The following SPACA7 variants were observed in gnomAD, a reference collection of about 807,000 sequenced individuals.
SPACA7 encodes sperm acrosome-associated protein 7.
SPACA7 carries 19 observed loss-of-function variants against 26.3 expected under a neutral mutation model. That is an observed-to-expected ratio of 0.72 (90% confidence interval 0.50 to 1.06). The LOEUF is 1.06. SPACA7 is among the 50% of genes least tolerant of loss of function. SPACA7 has a pLI of 0.00. For missense variants in SPACA7, 211 were observed against 229.9 expected (o/e 0.92, Z 0.53); for synonymous variants, 84 against 84.5 (o/e 0.99, Z 0.04).
At chr13:112,394,933 C>T (rs1308394163) in intron 2 of SPACA7, among the ~76,000 whole-genome samples, 3 of 152,300 alleles carry the variant, frequency 2.0e-5, no homozygotes, top group East Asian at 3.9e-4. Flanking sequence ...CCCATCCACA[C>T]CCCCAGATTT....
chr13:112,377,529 A>G (rs204218), intron 1 of SPACA7, among the ~76,000 whole-genome samples: 92,217 of 152,094 alleles, frequency 0.61, 28,571 homozygotes, highest in African/African-American at 0.73. Flanking sequence ...AAGCCAAGGC[A>G]ATAAAATAAT....
rs1257880574 is a variant in SPACA7, at chr13:112,405,164, AG to A, written c.445+4001del. Among the ~76,000 whole-genome samples, 4 of 151,596 alleles carry A rather than the reference AG, an allele frequency of 2.6e-5. No homozygotes were observed. The East Asian group carries it at 7.8e-4, about 29-fold the overall frequency. On this transcript the variant is annotated intron_variant, in intron 5 of 6. Transcript: ENST00000283550. ...TGCCCAGCTAATTTTTTGTATTTTTAGTAGAGACGGGGTTTCACCGTGTTAG... is the reference window on the plus strand; with the variant it reads ...TGCCCAGCTAATTTTTTGTATTTTTATAGAGACGGGGTTTCACCGTGTTAG...
intron 5 of SPACA7, 29 bp downstream of exon 5, chr13:112,401,193 T>A: frequency 6.5e-7 from 1 of 1,547,296 alleles, no homozygotes; most frequent in East Asian, 2.2e-5. Flanking sequence ...CACTGAGAGC[T>A]CTGTGGGAGA....
rs1481366129 is a variant in SPACA7 at position 112,378,684 on chromosome 13, CCTT to C, written c.94+2210_94+2212del. 7 of 471,068 alleles carry C rather than the reference CCTT, an allele frequency of 1.5e-5. No individual in the cohort carries two copies. In the Admixed American group the frequency reaches 1.6e-4, roughly 11 times the overall value. The allele number at this position is 471,068 out of a possible 1,614,324, so 29.2% of individuals were successfully genotyped here. On this transcript the variant is annotated intron_variant, in intron 1 of 6. Transcript: ENST00000283550. ...AGTTCCTGGATCTGCCAGCAAATGA[CCTT>C]CTTCACTCACCTGTGGGATGGGGAC...
At chr13:112,410,325 C>G (rs1432623701) in intron 5 of SPACA7, among the ~76,000 whole-genome samples, 1 of 151,720 alleles carries the variant, frequency 6.6e-6, no homozygotes, top group Non-Finnish European at 1.5e-5. Flanking sequence ...TGTAACAAAC[C>G]TGCATATTGT....
rs1254393630 is a variant in SPACA7, at chr13:112,430,172, C to CTG, written c.446-2271_446-2270insGT. Among the ~76,000 whole-genome samples the CTG allele has an allele frequency of 2.8e-3, 350 of 122,878 alleles. 3 individuals are homozygous for CTG. The highest frequency in any genetic ancestry group is 9.1e-3 in the African/African-American group (308 of 33,892). The allele number at this position is 122,878 out of a possible 152,430, so 80.6% of individuals were successfully genotyped here. ...CTCAAGGCATCCCTTGCATCTCTCT[C>CTG]TCTGTGTGTGTGTGTGTGTGTGTGT... is the stretch of plus-strand genomic sequence containing the variant. On this transcript the variant is annotated intron_variant, in intron 5 of 6. Transcript: ENST00000283550.
At chr13:112,405,253 T>G (rs1458010794) in intron 5 of SPACA7, among the ~76,000 whole-genome samples, 2 of 152,168 alleles carry the variant, frequency 1.3e-5, no homozygotes, top group Non-Finnish European at 2.9e-5. Flanking sequence ...TTACCTTCTT[T>G]ATTTTCTCTT....
At chr13:112,417,970 T>G (rs958646800) in intron 5 of SPACA7, among the ~76,000 whole-genome samples, 1 of 152,210 alleles carries the variant, frequency 6.6e-6, no homozygotes, top group African/African-American at 2.4e-5. Context: ...TTGTGTAATC[T>G]TATTTTTCTT....
chr13:112,400,509 C>T (rs1420397675), intron 4 of SPACA7, among the ~76,000 whole-genome samples: 2 of 152,266 alleles, frequency 1.3e-5, no homozygotes, highest in South Asian at 2.1e-4. Flanking sequence ...CTAGGGATTA[C>T]TATAGTCTGT....
intron 5 of SPACA7, among the ~76,000 whole-genome samples, chr13:112,416,635 T>A (rs1886709150): frequency 6.6e-6 from 1 of 152,232 alleles, no homozygotes; most frequent in African/African-American, 2.4e-5. Flanking sequence ...AATCATTGCC[T>A]AATTTCAATT....
At chr13:112,424,493 T>C (rs932183402) in intron 5 of SPACA7, among the ~76,000 whole-genome samples, 6 of 152,080 alleles carry the variant, frequency 3.9e-5, no homozygotes, top group Admixed American at 3.9e-4. Context: ...ACTTCACATA[T>C]AGACAATGGC....
chr13:112,397,800 G>C (rs1442523636), intron 2 of SPACA7, among the ~76,000 whole-genome samples: 1 of 152,200 alleles, frequency 6.6e-6, no homozygotes, highest in Non-Finnish European at 1.5e-5. Flanking sequence ...CCTTTGGGGG[G>C]CAATGTTCAG....
intron 5 of SPACA7, among the ~76,000 whole-genome samples, chr13:112,426,579 C>T (rs947087961): frequency 2.6e-5 from 4 of 152,132 alleles, no homozygotes; most frequent in Admixed American, 2.6e-4. Context: ...TTTCACTTTT[C>T]GTAGTTTTTA....
At chr13:112,421,157 G>T (rs888215818) in intron 5 of SPACA7, among the ~76,000 whole-genome samples, 1 of 150,206 alleles carries the variant, frequency 6.7e-6, no homozygotes, top group African/African-American at 2.5e-5. Context: ...AAGACATTTT[G>T]GTACTGTTAG....
At position 112,398,130 on chromosome 13, in the gene SPACA7, C is replaced by T. The variant is rs775148974; in HGVS notation, c.233C>T (p.Thr78Ile). The T allele has an allele frequency of 6.2e-7, 1 of 1,613,130 alleles. No individual in the cohort carries two copies. The highest frequency in any genetic ancestry group is 1.1e-5 in the South Asian group (1 of 91,054). Residue 78 changes from threonine to isoleucine, a missense_variant, in exon 3 of 7, where the codon ACA becomes ATA. Coordinates refer to ENST00000283550, the MANE Select transcript of SPACA7 (RefSeq NM_145248.5). ...EMPSTASTLS[T>I]PLHAGIDENY... is the part of the protein sequence containing the mutation. ...CCAAGTACAGCATCAACATTATCAA[C>T]ACCGTTACGTAAGGAGAAAAGCAAG...
chr13:112,417,790 T>C (rs1249613122), intron 5 of SPACA7, among the ~76,000 whole-genome samples: 1 of 152,220 alleles, frequency 6.6e-6, no homozygotes, highest in Non-Finnish European at 1.5e-5. Flanking sequence ...CTTTTCTCAC[T>C]GTTTTATCTC....
chr13:112,414,622 G>A (rs1886572899), intron 5 of SPACA7, among the ~76,000 whole-genome samples: 1 of 151,928 alleles, frequency 6.6e-6, no homozygotes, highest in Non-Finnish European at 1.5e-5. Context: ...TGTTGGCCAG[G>A]CTGGTCTCGA....
chr13:112,379,732 C>G (rs1883923991), intron 1 of SPACA7, among the ~76,000 whole-genome samples: 1 of 152,132 alleles, frequency 6.6e-6, no homozygotes, highest in Admixed American at 6.5e-5. Flanking sequence ...GAGAACAAAT[C>G]CTTTGAGATT....
intron 1 of SPACA7, among the ~76,000 whole-genome samples, chr13:112,383,386 T>A (rs1884332727): frequency 6.6e-6 from 1 of 152,174 alleles, no homozygotes; most frequent in African/African-American, 2.4e-5. Flanking sequence ...TCCCTATTTT[T>A]TAAAGAAAAA....
Sources: allele counts gnomAD v4.1 joint callset (sites outside exome capture counted in the v4.1 genomes callset), GRCh38; gene constraint gnomAD v4.1.1; transcripts MANE v1.5; gene names NCBI Gene and HGNC (gene_info 2026-07-23, HGNC 2026-07-21).